The following SORBS2 variants were observed in gnomAD, a reference collection of about 807,000 sequenced individuals.
SORBS2 encodes sorbin and SH3 domain containing 2.
In SORBS2, 46 loss-of-function variants were observed where a neutral mutation model predicts 97.7. The observed-to-expected ratio is 0.47, with a 90% CI of 0.37 to 0.60. The LOEUF is 0.60. Among genes scored for constraint, SORBS2 ranks in the 20% least tolerant of loss-of-function variants. The pLI is 0.00. For missense variants in SORBS2, 1,316 were observed against 1,282.3 expected, an observed-to-expected ratio of 1.03 and a Z score of -0.40; for synonymous variants, 476 against 473.4, an observed-to-expected ratio of 1.01 and a Z score of -0.07.
intron 1 of SORBS2, among the ~76,000 whole-genome samples, chr4:185,956,002 C>A (rs1405537847): frequency 1.3e-5 from 2 of 152,166 alleles, no homozygotes; most frequent in African/African-American, 4.8e-5. Context: ...GCACAGTCAG[C>A]TTAAGCAACG....
chr4:185,776,033 G>T (rs938877315), intron 1 of SORBS2: 2 of 152,156 alleles, frequency 1.3e-5, no homozygotes, highest in Non-Finnish European at 2.9e-5. Flanking sequence ...AAATCATTCT[G>T]GTTGGGTCAC....
At chr4:185,763,308 G>A (rs1026579119) in intron 2 of SORBS2, among the ~76,000 whole-genome samples, 10 of 152,180 alleles carry the variant, frequency 6.6e-5, no homozygotes, top group African/African-American at 2.2e-4. Context: ...TTGGCCAGGT[G>A]GGAGGCATGA....
At chr4:185,600,852 A>G (rs1272728079) in intron 12 of SORBS2, among the ~76,000 whole-genome samples, 1 of 150,822 alleles carries the variant, frequency 6.6e-6, no homozygotes, top group Non-Finnish European at 1.5e-5. Flanking sequence ...GGGGGGAAAC[A>G]TGGTGAAATT....
chr4:185,691,185 C>T (rs2098086713), intron 2 of SORBS2, among the ~76,000 whole-genome samples: 1 of 152,044 alleles, frequency 6.6e-6, no homozygotes, highest in Admixed American at 6.5e-5. Flanking sequence ...CAGGCGTGAG[C>T]CACCGTGCCC....
At chr4:185,938,508 T>G (rs896060810) in intron 1 of SORBS2, among the ~76,000 whole-genome samples, 4 of 151,100 alleles carry the variant, frequency 2.6e-5, no homozygotes, top group Non-Finnish European at 4.4e-5. Context: ...AGATCAGAAC[T>G]CAAACTTCTT....
chr4:185,823,367 T>C lies in SORBS2; in HGVS notation c.-337-48001A>G, dbSNP rs569116175. Among the ~76,000 whole-genome samples, 7 of 152,324 alleles carry C rather than the reference T, an allele frequency of 4.6e-5. No individual in the cohort carries two copies. In the East Asian group the frequency reaches 7.7e-4, roughly 17 times the overall value. On this transcript the variant is annotated intron_variant, in intron 1 of 20. Transcript: ENST00000284776. ...AGCAACAACAATAAGCCCATAAAAATGTATGGTGGCACCATTCCATTTTTG... is the reference window on the plus strand; with the variant it reads ...AGCAACAACAATAAGCCCATAAAAACGTATGGTGGCACCATTCCATTTTTG...
intron 1 of SORBS2, among the ~76,000 whole-genome samples, chr4:185,823,928 G>A (rs1257535569): frequency 6.6e-6 from 1 of 152,180 alleles, no homozygotes; most frequent in Admixed American, 6.5e-5. Flanking sequence ...GCTACTAAGG[G>A]AAGTCACCTT....
At chr4:185,718,839 C>G (rs949066533) in intron 2 of SORBS2, among the ~76,000 whole-genome samples, 5 of 152,208 alleles carry the variant, frequency 3.3e-5, no homozygotes, top group Non-Finnish European at 7.3e-5. Flanking sequence ...TTCCCTTAAT[C>G]TCCACCTTTA....
intron 4 of SORBS2, among the ~76,000 whole-genome samples, chr4:185,666,663 C>T (rs1055431793): frequency 6.6e-6 from 1 of 152,150 alleles, no homozygotes; most frequent in Non-Finnish European, 1.5e-5. Flanking sequence ...TGAATCTAAA[C>T]ACTGATAATA....
At chr4:185,770,297 G>A (rs1030346979) in intron 2 of SORBS2, among the ~76,000 whole-genome samples, 3 of 152,102 alleles carry the variant, frequency 2.0e-5, no homozygotes, top group Non-Finnish European at 4.4e-5. Flanking sequence ...TTTCTAAATG[G>A]ACATGACTGC....
intron 4 of SORBS2, chr4:185,676,921 G>A (rs2097795088): frequency 7.3e-6 from 9 of 1,230,406 alleles, no homozygotes; most frequent in Non-Finnish European, 1.0e-5. Context: ...GGTCATATAA[G>A]AAGCCCAAAC....
intron 1 of SORBS2, among the ~76,000 whole-genome samples, chr4:185,911,832 T>A (rs1417536941): frequency 6.6e-6 from 1 of 152,216 alleles, no homozygotes; most frequent in Non-Finnish European, 1.5e-5. Flanking sequence ...AAACCTCTTA[T>A]TGACACATTA....
chr4:185,839,406 C>G (rs186593227), intron 1 of SORBS2, among the ~76,000 whole-genome samples: 2 of 152,188 alleles, frequency 1.3e-5, no homozygotes, highest in African/African-American at 4.8e-5. Context: ...GACTCATTTC[C>G]TTACTGCAGT....
chr4:185,924,865 C>T (rs1039519805), intron 1 of SORBS2, among the ~76,000 whole-genome samples: 14 of 152,118 alleles, frequency 9.2e-5, no homozygotes, highest in Non-Finnish European at 1.5e-4. Context: ...TTAAACTTTT[C>T]GCTCCATGAA....
At chr4:185,690,755 A>C in intron 2 of SORBS2, 144 bp from the exon 4 acceptor site, 2 of 461,618 alleles carry the variant, frequency 4.3e-6, no homozygotes, top group Non-Finnish European at 7.8e-6. Flanking sequence ...TTAATAAGGT[A>C]GGAAGAATTT....
chr4:185,762,305 G>C (rs998449203), intron 2 of SORBS2, among the ~76,000 whole-genome samples: 2 of 152,170 alleles, frequency 1.3e-5, no homozygotes, highest in African/African-American at 4.8e-5. Flanking sequence ...CATTGAATTT[G>C]AGGTACTCAG....
chr4:185,863,083 A>G (rs2099224814), intron 1 of SORBS2, among the ~76,000 whole-genome samples: 1 of 152,202 alleles, frequency 6.6e-6, no homozygotes, highest in Admixed American at 6.5e-5. Context: ...AGAACCTTAA[A>G]TTATTATGTT....
chr4:185,672,628 C>T (rs2097729610), intron 4 of SORBS2, among the ~76,000 whole-genome samples: 1 of 152,178 alleles, frequency 6.6e-6, no homozygotes, highest in African/African-American at 2.4e-5. Flanking sequence ...GAATTTCTAA[C>T]AGTGACCTGT....
In SORBS2 at chr4:185,630,377, A is replaced by G. The variant is rs540017919; in HGVS notation, c.446+172T>C. Among the ~76,000 whole-genome samples, 15 of 152,258 alleles carry G rather than the reference A, an allele frequency of 9.9e-5. No individual in the cohort carries two copies. The South Asian group carries it at 2.3e-3, about 23-fold the overall frequency. On this transcript the variant is annotated intron_variant, in intron 5 of 14. Transcript: ENST00000418609. Reference sequence around the variant, plus strand: ...TCACTAATTTTTTAGAAATTCTTGAAATGATCATATAAAATGATGCTGAAA... The same window carrying G: ...TCACTAATTTTTTAGAAATTCTTGAGATGATCATATAAAATGATGCTGAAA...
Sources: allele counts gnomAD v4.1 joint callset (sites outside exome capture counted in the v4.1 genomes callset), GRCh38; gene constraint gnomAD v4.1.1; transcripts MANE v1.5; gene names NCBI Gene and HGNC (gene_info 2026-07-23, HGNC 2026-07-21).